The following ADARB2 variants were observed in gnomAD, a reference collection of about 807,000 sequenced individuals.
ADARB2 encodes adenosine deaminase RNA specific B2 (inactive), also known as inactive double-stranded RNA-specific editase B2.
In ADARB2, 25 loss-of-function variants were observed where a neutral mutation model predicts 62.2. That is an observed-to-expected ratio of 0.40 (90% CI 0.29 to 0.56). The LOEUF is 0.56. Ranked by LOEUF, ADARB2 falls within the 20% of genes least tolerant of loss-of-function variation. The probability of loss-of-function intolerance (pLI) is 0.43; values close to 1 mark genes in which losing one functional copy is unlikely to be tolerated. For missense variants in ADARB2, 1,071 were observed against 1,077.4 expected (o/e 0.99, Z 0.08); for synonymous variants, 572 against 500.8 (o/e 1.14, Z -1.90).
At chr10:1,567,232 T>C (rs1433105541) in intron 1 of ADARB2, among the ~76,000 whole-genome samples, 3 of 151,852 alleles carry the variant, frequency 2.0e-5, no homozygotes, top group African/African-American at 4.8e-5. Flanking sequence ...ATTTGGAAGA[T>C]TGGAGTCTGG....
intron 1 of ADARB2, among the ~76,000 whole-genome samples, chr10:1,643,833 A>T (rs1270951198): frequency 6.6e-6 from 1 of 152,092 alleles, no homozygotes; most frequent in Non-Finnish European, 1.5e-5. Flanking sequence ...CAATCCTGAG[A>T]ATGATTGGAG....
At chr10:1,356,895 C>G (rs1478389937) in intron 3 of ADARB2, among the ~76,000 whole-genome samples, 1 of 152,166 alleles carries the variant, frequency 6.6e-6, no homozygotes, top group Non-Finnish European at 1.5e-5. Context: ...TGATTCCTAC[C>G]TAACTGGTCT....
chr10:1,688,486 AG>A (rs1489239038), intron 1 of ADARB2, among the ~76,000 whole-genome samples: 1 of 151,988 alleles, frequency 6.6e-6, no homozygotes, highest in Admixed American at 6.5e-5. Context: ...GATGGCTCCG[AG>A]GGCAGGTGCA....
At chr10:1,688,164 G>A (rs895929658) in intron 1 of ADARB2, among the ~76,000 whole-genome samples, 1 of 152,354 alleles carries the variant, frequency 6.6e-6, no homozygotes, top group Non-Finnish European at 1.5e-5. Context: ...GACATAAACA[G>A]CCAGTGGGGA....
chr10:1,199,870 T>C, intron 8 of ADARB2, 96 bp downstream of exon 8: 3 of 1,301,606 alleles, frequency 2.3e-6, no homozygotes, highest in South Asian at 3.4e-5. Flanking sequence ...CTAGCCAACA[T>C]GGATGAAGTC....
At position 1,261,176 on chromosome 10, in the gene ADARB2, G is replaced by A. The variant is rs565884089; in HGVS notation, c.1192+9779C>T. On this transcript the variant is annotated intron_variant, in intron 4 of 9. Coordinates refer to ENST00000381312, the MANE Select transcript of ADARB2 (RefSeq NM_018702.4). Reference sequence around the variant, plus strand: ...TTCAAGATGGATTAAAGACTTAAACGTTAGACCTAAAACCATAAAAACCCT... The same window carrying A: ...TTCAAGATGGATTAAAGACTTAAACATTAGACCTAAAACCATAAAAACCCT... Among the ~76,000 whole-genome samples, 19 of 144,626 alleles carry A rather than the reference G, an allele frequency of 1.3e-4. No individual in the cohort carries two copies. The East Asian group carries it at 1.6e-3, about 12-fold the overall frequency. The allele number at this position is 144,626 out of a possible 152,430, so 94.9% of individuals were successfully genotyped here. A position where few individuals can be genotyped will look rare whatever the true frequency, so the allele number is the denominator to read the frequency against.
In ADARB2 at chr10:1,328,532, T is replaced by C. The variant is rs139204715; in HGVS notation, c.1077+34496A>G. 5.9e-5 allele frequency among the ~76,000 whole-genome samples: 9 copies of C among 152,246 alleles called. No homozygotes were observed. In the East Asian group the frequency reaches 1.7e-3, roughly 29 times the overall value. On this transcript the variant is annotated intron_variant, in intron 3 of 9. Transcript: ENST00000381312. ...TTTTTTTTCTTGAACAGTGCAAACA[T>C]TATTACATACTTCAATTATTCTTAT...
intron 4 of ADARB2, among the ~76,000 whole-genome samples, chr10:1,256,123 T>C (rs1203349557): frequency 6.6e-6 from 1 of 152,192 alleles, no homozygotes; most frequent in African/African-American, 2.4e-5. Flanking sequence ...GAAGAGGGAC[T>C]TGAAGCTCCA....
intron 1 of ADARB2, among the ~76,000 whole-genome samples, chr10:1,516,635 G>A (rs1832012781): frequency 6.6e-6 from 1 of 152,184 alleles, no homozygotes; most frequent in African/African-American, 2.4e-5. Flanking sequence ...CCCGTTTTAT[G>A]CCTTAATAAG....
At chr10:1,578,751 T>TAC (rs56211170) in intron 1 of ADARB2, among the ~76,000 whole-genome samples, 142,234 of 151,962 alleles carry the variant, frequency 0.94, 67,123 homozygotes, top group Non-Finnish European at 1. Context: ...CGCACACAGG[T>TAC]ACCTATGTTT....
chr10:1,642,746 C>T (rs950573735), intron 1 of ADARB2, among the ~76,000 whole-genome samples: 1 of 152,034 alleles, frequency 6.6e-6, no homozygotes, highest in Non-Finnish European at 1.5e-5. Flanking sequence ...CACATCCACA[C>T]TCACATGCAC....
At chr10:1,401,076 G>A (rs926360250) in intron 1 of ADARB2, among the ~76,000 whole-genome samples, 4 of 152,062 alleles carry the variant, frequency 2.6e-5, no homozygotes, top group African/African-American at 9.7e-5. Context: ...CCCTCGCCAG[G>A]GCCCCAGCCT....
chr10:1,723,802 AG>A (rs1179118690), intron 1 of ADARB2, among the ~76,000 whole-genome samples: 1 of 152,196 alleles, frequency 6.6e-6, no homozygotes, highest in African/African-American at 2.4e-5. Context: ...AAAGACATCA[AG>A]GGGAACCTAA....
intron 1 of ADARB2, among the ~76,000 whole-genome samples, chr10:1,533,263 C>T (rs989436232): frequency 1.6e-4 from 24 of 150,760 alleles, no homozygotes; most frequent in Non-Finnish European, 3.1e-4. Context: ...GGACTACAGG[C>T]GTGCGCCACC....
At position 1,465,181 on chromosome 10, in the gene ADARB2, T is replaced by C. The variant is rs139186481; in HGVS notation, c.101-86021A>G. Among the ~76,000 whole-genome samples the C allele has an allele frequency of 4.3e-3, 658 of 152,230 alleles. 9 individuals are homozygous for C. The highest frequency in any genetic ancestry group is 0.014 in the African/African-American group (577 of 41,532). On this transcript the variant is annotated intron_variant, in intron 1 of 9. Transcript: ENST00000381312. ...TGTGTCCTTCTCAAAATGGCAAAGTTACAGGGTCGGGAGGTGAAGCCATGG... is the reference window on the plus strand; with the variant it reads ...TGTGTCCTTCTCAAAATGGCAAAGTCACAGGGTCGGGAGGTGAAGCCATGG...
chr10:1,591,067 A>G (rs981340067), intron 1 of ADARB2, among the ~76,000 whole-genome samples: 11 of 152,252 alleles, frequency 7.2e-5, no homozygotes, highest in Non-Finnish European at 1.6e-4. Flanking sequence ...AAACTGTTCT[A>G]AGAATCTGTG....
In ADARB2 at chr10:1,340,170, C is replaced by T. The variant is rs867153089; in HGVS notation, c.1077+22858G>A. On this transcript the variant is annotated intron_variant, in intron 3 of 9. Transcript: ENST00000381312. ...AACCAGCATCCACCAGAGAACCACA[C>T]ACCCCACAGCGGCAATAACCGGCAT... is the stretch of plus-strand genomic sequence containing the variant. Among the ~76,000 whole-genome samples, 294 of 141,444 alleles carry T rather than the reference C, an allele frequency of 2.1e-3. 1 individual carries two copies. Among genetic ancestry groups the T allele is most frequent in the East Asian group, 7.2e-3 (31 of 4,284 alleles). 92.8% of individuals were successfully genotyped at this position (141,444 alleles called of 152,430 possible).
At chr10:1,197,066 A>C (rs1380963334) in intron 8 of ADARB2, among the ~76,000 whole-genome samples, 1 of 152,264 alleles carries the variant, frequency 6.6e-6, no homozygotes, top group Non-Finnish European at 1.5e-5. Context: ...CATTTGTAAA[A>C]ATTTTGTAGG....
intron 1 of ADARB2, among the ~76,000 whole-genome samples, chr10:1,379,846 CA>C (rs1475150401): frequency 6.6e-6 from 1 of 152,164 alleles, no homozygotes; most frequent in African/African-American, 2.4e-5. Flanking sequence ...ACAGTGAGTG[CA>C]GCACAGCTGT....
Sources: allele counts gnomAD v4.1 joint callset (sites outside exome capture counted in the v4.1 genomes callset), GRCh38; gene constraint gnomAD v4.1.1; transcripts MANE v1.5; gene names NCBI Gene and HGNC (gene_info 2026-07-23, HGNC 2026-07-21).